The following FAM185A variants were observed in gnomAD, a reference collection of about 807,000 sequenced individuals.
FAM185A encodes the protein family with sequence similarity 185 member A.
A neutral mutation model predicts 45.7 loss-of-function variants in FAM185A; 21 were observed. The ratio of observed to expected loss-of-function variants is 0.46; its 90% CI spans 0.33 to 0.66. FAM185A has a LOEUF of 0.66. FAM185A is among the 30% of genes least tolerant of loss of function. FAM185A has a pLI of 0.03. For missense variants in FAM185A, 305 were observed against 485.4 expected, an observed-to-expected ratio of 0.63 and a Z score of 3.49; for synonymous variants, 117 against 194.0, an observed-to-expected ratio of 0.60 and a Z score of 3.30.
the FAM185A span, among the ~76,000 whole-genome samples, chr7:102,849,282 C>T: frequency 2.0e-5 from 3 of 152,150 alleles, no homozygotes; most frequent in African/African-American, 7.2e-5. Context: ...GTCTGTTGTT[C>T]TCAGAAAAGA....
intron 6 of FAM185A, among the ~76,000 whole-genome samples, chr7:102,779,161 T>C (rs1795255264): frequency 6.6e-6 from 1 of 152,152 alleles, no homozygotes; most frequent in Non-Finnish European, 1.5e-5. Flanking sequence ...CACATTTGAA[T>C]TTTTAAGAGG....
rs1490842879 is a variant in FAM185A, at chr7:102,755,978, A to C, written c.562-1876A>C. On this transcript the variant is annotated intron_variant, in intron 2 of 7. Coordinates refer to ENST00000413034, the MANE Select transcript of FAM185A (RefSeq NM_001145268.2). ...TGTTTTCTGTACATAAAAATAATTA[A>C]AATAATTAAAAAATAAAAAAAAGTG... The C allele has an allele frequency of 2.4e-5, 11 of 453,968 alleles. No individual in the cohort carries two copies. The East Asian group carries it at 3.9e-4, about 16-fold the overall frequency. The allele number at this position is 453,968 out of a possible 1,614,324, so 28.1% of individuals were successfully genotyped here.
At chr7:102,787,781 C>A (rs1795902033) in intron 7 of FAM185A, among the ~76,000 whole-genome samples, 1 of 152,128 alleles carries the variant, frequency 6.6e-6, no homozygotes, top group South Asian at 2.1e-4. Flanking sequence ...TATTATAATG[C>A]AAAATTTAAA....
chr7:102,751,491 T>C (rs556072667), intron 1 of FAM185A, among the ~76,000 whole-genome samples: 1 of 152,064 alleles, frequency 6.6e-6, no homozygotes, highest in Non-Finnish European at 1.5e-5. Context: ...TAGAAATAAC[T>C]GCTCTGTTTC....
chr7:102,760,682 C>G (rs1309891132), intron 3 of FAM185A, among the ~76,000 whole-genome samples: 1 of 152,080 alleles, frequency 6.6e-6, no homozygotes, highest in Non-Finnish European at 1.5e-5. Context: ...TGCCTGCTGT[C>G]CCATTGCTTC....
At chr7:102,803,219 A>G (rs1796897712) in intron 7 of FAM185A, among the ~76,000 whole-genome samples, 1 of 152,194 alleles carries the variant, frequency 6.6e-6, no homozygotes, top group Non-Finnish European at 1.5e-5. Context: ...CCAGGAAAGG[A>G]TACAACCAAA....
intron 4 of FAM185A, among the ~76,000 whole-genome samples, chr7:102,766,955 T>C (rs57696894): frequency 0.094 from 14,284 of 151,682 alleles, 726 homozygotes; most frequent in East Asian, 0.19. Flanking sequence ...CTACCACGCC[T>C]GGCTAATTTT....
At chr7:102,846,169 C>T in the FAM185A span, among the ~76,000 whole-genome samples, 4 of 152,108 alleles carry the variant, frequency 2.6e-5, no homozygotes, top group African/African-American at 9.7e-5. Context: ...ATATATCTGC[C>T]TAACCCACTA....
the FAM185A span, among the ~76,000 whole-genome samples, chr7:102,837,504 C>T: frequency 6.6e-6 from 1 of 152,222 alleles, no homozygotes; most frequent in Admixed American, 6.5e-5. Flanking sequence ...GTGGTTTATT[C>T]TACAGTCTTC....
intron 7 of FAM185A, among the ~76,000 whole-genome samples, chr7:102,801,186 C>T (rs1432740594): frequency 6.6e-6 from 1 of 152,078 alleles, no homozygotes; most frequent in African/African-American, 2.4e-5. Flanking sequence ...TGAGAGAATT[C>T]ACCACTACCA....
At position 102,763,764 on chromosome 7, in the gene FAM185A, G is replaced by C. The variant is rs577942594; in HGVS notation, c.793+2353G>C. On this transcript the variant is annotated intron_variant, in intron 4 of 7. Transcript: ENST00000413034. The stretch of plus-strand genomic sequence containing the variant: ...AAATAAGCCCTTCAGTTATGATGTG[G>C]GATCTGGATGAGGAATATAGCATCT... 3.3e-5 allele frequency among the ~76,000 whole-genome samples: 5 copies of C among 152,290 alleles called. No homozygotes were observed. The South Asian group carries it at 1.0e-3, about 32-fold the overall frequency.
chr7:102,828,921 A>G, the FAM185A span, among the ~76,000 whole-genome samples: 3 of 152,260 alleles, frequency 2.0e-5, no homozygotes, highest in Non-Finnish European at 2.9e-5. Context: ...CCTTGGGCAC[A>G]CCCAGTTCTC....
intron 2 of FAM185A, among the ~76,000 whole-genome samples, chr7:102,756,335 GA>G (rs1296507027): frequency 6.6e-6 from 1 of 152,090 alleles, no homozygotes; most frequent in Non-Finnish European, 1.5e-5. Flanking sequence ...CATATATAAT[GA>G]TTAAGGGAAA....
chr7:102,753,741 CAA>C (rs551321147), intron 2 of FAM185A, among the ~76,000 whole-genome samples: 1 of 145,086 alleles, frequency 6.9e-6, no homozygotes, highest in South Asian at 2.2e-4. Flanking sequence ...GATGAATTAG[CAA>C]AAAAAAAAAT....
At chr7:102,822,066 C>G in the FAM185A span, 1 of 1,614,198 alleles carries the variant, frequency 6.2e-7, no homozygotes, top group South Asian at 1.1e-5. Context: ...AGTATTGCAT[C>G]TTAAGGATCC....
At chr7:102,788,235 C>A (rs1307420593) in intron 7 of FAM185A, among the ~76,000 whole-genome samples, 1 of 152,092 alleles carries the variant, frequency 6.6e-6, no homozygotes, top group African/African-American at 2.4e-5. Flanking sequence ...TCCCAAAGTG[C>A]TGGGATTATA....
At chr7:102,771,004 T>C (rs1311992560) in intron 4 of FAM185A, among the ~76,000 whole-genome samples, 1 of 152,202 alleles carries the variant, frequency 6.6e-6, no homozygotes, top group East Asian at 1.9e-4. Context: ...GTGGTACATA[T>C]ACACCATGGA....
intron 4 of FAM185A, among the ~76,000 whole-genome samples, chr7:102,769,970 T>G (rs2537438): frequency 6.6e-6 from 1 of 152,154 alleles, no homozygotes; most frequent in Non-Finnish European, 1.5e-5. Flanking sequence ...TCCCACCTCA[T>G]AGTATTGCTG....
intron 4 of FAM185A, among the ~76,000 whole-genome samples, chr7:102,761,813 G>A (rs534183890): frequency 1.3e-4 from 19 of 151,990 alleles, no homozygotes; most frequent in East Asian, 3.9e-4. Flanking sequence ...ACAGGTGTGC[G>A]CTATCACGCT....
Sources: gnomAD v4.1 joint callset for allele counts (sites outside exome capture counted in the v4.1 genomes callset) on GRCh38, gnomAD v4.1.1 for gene constraint, MANE v1.5 for transcripts, NCBI Gene and HGNC (gene_info 2026-07-23, HGNC 2026-07-21) for gene names.